The following CCDC170 variants were observed in gnomAD, a reference collection of about 807,000 sequenced individuals.
CCDC170 encodes coiled-coil domain containing 170, also known as coiled-coil domain-containing protein 170.
CCDC170 carries 69 observed loss-of-function variants against 72.6 expected under a neutral mutation model. That is an observed-to-expected ratio of 0.95 (90% confidence interval 0.78 to 1.16). The LOEUF is 1.16. Ranked by LOEUF, CCDC170 falls within the 50% of genes most tolerant of loss-of-function variation. The pLI, the probability that CCDC170 is intolerant of heterozygous loss-of-function variation, is 0.00. For synonymous variants in CCDC170, 300 were observed against 303.9 expected, an observed-to-expected ratio of 0.99 and a Z score of 0.13; for missense variants, 852 against 832.5, an observed-to-expected ratio of 1.02 and a Z score of -0.29.
intron 5 of CCDC170, among the ~76,000 whole-genome samples, chr6:151,572,042 TG>T (rs1230874748): frequency 6.6e-6 from 1 of 152,104 alleles, no homozygotes; most frequent in Non-Finnish European, 1.5e-5. Context: ...TTATATAAGA[TG>T]GGGGTTTACC....
intron 1 of CCDC170, among the ~76,000 whole-genome samples, chr6:151,524,974 C>T (rs367564713): frequency 3.7e-5 from 5 of 135,378 alleles, no homozygotes; most frequent in African/African-American, 1.2e-4. Context: ...ACTCTATTGC[C>T]CAGGCTGGAG....
chr6:151,586,098 C>T lies in CCDC170; in HGVS notation c.1293+9C>T, dbSNP rs1776447837. 2 of 1,613,076 alleles carry T rather than the reference C, an allele frequency of 1.2e-6. No homozygotes were observed. The highest frequency in any genetic ancestry group is 1.3e-5 in the African/African-American group (1 of 74,864). ...ATTTTGAGAAACAAAAAGTAATGAC[C>T]CGAGGGCATGTCCATGAGTGGAAGC... is the stretch of plus-strand genomic sequence containing the variant. On this transcript the variant is annotated intron_variant, in intron 7 of 10. Coordinates refer to ENST00000239374, the MANE Select transcript of CCDC170 (RefSeq NM_025059.4).
intron 1 of CCDC170, among the ~76,000 whole-genome samples, chr6:151,517,721 C>T (rs57521493): frequency 0.13 from 19,329 of 151,982 alleles, 1,430 homozygotes; most frequent in Middle Eastern, 0.22. Context: ...GGATTACAGG[C>T]GTGAGCCACC....
intron 9 of CCDC170, among the ~76,000 whole-genome samples, chr6:151,602,730 C>A (rs1776728228): frequency 6.6e-6 from 1 of 152,144 alleles, no homozygotes; most frequent in African/African-American, 2.4e-5. Flanking sequence ...CTGAGGTCTC[C>A]CCGGCGATGC....
chr6:151,596,774 A>G (rs1776632664), intron 9 of CCDC170, among the ~76,000 whole-genome samples, 197 bp downstream of exon 9: 1 of 152,188 alleles, frequency 6.6e-6, no homozygotes, highest in Admixed American at 6.5e-5. Context: ...CAATATCTGA[A>G]GTGAAGCCAT....
At chr6:151,509,207 C>T (rs1442261237) in intron 1 of CCDC170, among the ~76,000 whole-genome samples, 2 of 141,722 alleles carry the variant, frequency 1.4e-5, no homozygotes, top group Non-Finnish European at 3.0e-5. Flanking sequence ...CTCTCTGTCT[C>T]ATCTATCTAT....
chr6:151,494,959 G>A (rs1971255), intron 1 of CCDC170, among the ~76,000 whole-genome samples: 25,981 of 152,200 alleles, frequency 0.17, 2,835 homozygotes, highest in African/African-American at 0.31. Flanking sequence ...AGAGATGGGG[G>A]AATTGTGTTC....
intron 9 of CCDC170, among the ~76,000 whole-genome samples, chr6:151,609,245 C>A (rs1325948498): frequency 6.6e-6 from 1 of 152,078 alleles, no homozygotes; most frequent in South Asian, 2.1e-4. Context: ...GTTTTTGTGT[C>A]CTTTTCAAAG....
At chr6:151,566,023 G>A (rs890106692) in intron 5 of CCDC170, among the ~76,000 whole-genome samples, 1 of 152,204 alleles carries the variant, frequency 6.6e-6, no homozygotes, top group Non-Finnish European at 1.5e-5. Flanking sequence ...CTGCAGGGCT[G>A]TAGTGAAGCC....
chr6:151,521,045 T>G (rs1188026243), intron 1 of CCDC170, among the ~76,000 whole-genome samples: 1 of 152,186 alleles, frequency 6.6e-6, no homozygotes, highest in Non-Finnish European at 1.5e-5. Flanking sequence ...GTTACAAAAA[T>G]GGCTTGGGAA....
chr6:151,562,657 G>A (rs1386862068), intron 5 of CCDC170, among the ~76,000 whole-genome samples: 2 of 152,152 alleles, frequency 1.3e-5, no homozygotes, highest in Non-Finnish European at 2.9e-5. Flanking sequence ...GAGTCCTGGG[G>A]CACTTATTTT....
chr6:151,596,145 G>A (rs1776618052), intron 8 of CCDC170, among the ~76,000 whole-genome samples, 190 bp from the exon 9 acceptor site: 1 of 152,104 alleles, frequency 6.6e-6, no homozygotes, highest in Non-Finnish European at 1.5e-5. Flanking sequence ...CAGATTTTAG[G>A]TATGCAATTA....
At chr6:151,539,209 T>C (rs926789121) in intron 3 of CCDC170, among the ~76,000 whole-genome samples, 1 of 151,666 alleles carries the variant, frequency 6.6e-6, no homozygotes, top group African/African-American at 2.4e-5. Context: ...TGCAGTGAGC[T>C]GAGATCACAC....
At chr6:151,563,724 T>C (rs1380225166) in intron 5 of CCDC170, among the ~76,000 whole-genome samples, 5 of 152,128 alleles carry the variant, frequency 3.3e-5, no homozygotes, top group African/African-American at 1.2e-4. Flanking sequence ...CCCCCAATAG[T>C]GTTGACCTGG....
chr6:151,513,919 CA>C (rs58387477), intron 1 of CCDC170, among the ~76,000 whole-genome samples: 669 of 51,200 alleles, frequency 0.013, 3 homozygotes, highest in East Asian at 0.07. Context: ...GACCCTGTCT[CA>C]AAAAAAAAAA....
chr6:151,511,272 T>C (rs1431650114), intron 1 of CCDC170, among the ~76,000 whole-genome samples: 1 of 152,188 alleles, frequency 6.6e-6, no homozygotes, highest in Admixed American at 6.5e-5. Context: ...CCATCTATAC[T>C]TGTTCTAGGG....
At chr6:151,494,215 G>A (rs1447026694) in intron 1 of CCDC170, 30 bp downstream of exon 1, 2 of 1,491,258 alleles carry the variant, frequency 1.3e-6, no homozygotes, top group Non-Finnish European at 1.8e-6. Flanking sequence ...CCGCGCGCGG[G>A]GGTGGCCCTG....
rs143516832 is a variant in CCDC170 at position 151,598,541 on chromosome 6, A to G, written c.1710+1964A>G. Among the ~76,000 whole-genome samples the G allele has an allele frequency of 1.1e-4, 17 of 152,276 alleles. No homozygotes were observed. The East Asian group carries it at 2.3e-3, about 21-fold the overall frequency. ...CCGAGCCTTGAATTAGCTGAGACCA[A>G]TGATGTGGCCTTGACTCTGGTGAGA... On this transcript the variant is annotated intron_variant, in intron 9 of 10. Coordinates refer to ENST00000239374, the MANE Select transcript of CCDC170 (RefSeq NM_025059.4).
intron 1 of CCDC170, among the ~76,000 whole-genome samples, chr6:151,528,173 GGT>G (rs1185831047): frequency 3.3e-5 from 5 of 152,040 alleles, no homozygotes; most frequent in Non-Finnish European, 7.4e-5. Flanking sequence ...TTGCTTCATG[GGT>G]TAGCTGAGAG....
Sources: gnomAD v4.1 joint callset for allele counts (sites outside exome capture counted in the v4.1 genomes callset) on GRCh38, gnomAD v4.1.1 for gene constraint, MANE v1.5 for transcripts, NCBI Gene and HGNC (gene_info 2026-07-23, HGNC 2026-07-21) for gene names.